BAIAP2L1: variants seen among roughly 807,000 people sequenced by gnomAD.
The protein encoded by BAIAP2L1 is BAR/IMD domain-containing adapter protein 2-like 1.
In BAIAP2L1, 35 loss-of-function variants were observed where a neutral mutation model predicts 66.3. The observed-to-expected ratio is 0.53, with a 90% CI of 0.40 to 0.70. BAIAP2L1 has a LOEUF of 0.70. Among genes scored for constraint, BAIAP2L1 ranks in the 30% least tolerant of loss-of-function variants. The probability of loss-of-function intolerance (pLI) is 0.00; values close to 1 mark genes in which losing one functional copy is unlikely to be tolerated. For missense variants in BAIAP2L1, 622 were observed against 656.9 expected (o/e 0.95, Z 0.58); for synonymous variants, 269 against 248.7 (o/e 1.08, Z -0.77).
intron 1 of BAIAP2L1, among the ~76,000 whole-genome samples, chr7:98,363,449 G>GATTT (rs1380811237): frequency 6.6e-6 from 1 of 152,134 alleles, no homozygotes; most frequent in Non-Finnish European, 1.5e-5. Context: ...CCCTCTCATG[G>GATTT]ATTTCATGGT....
intron 1 of BAIAP2L1, among the ~76,000 whole-genome samples, chr7:98,374,371 C>T (rs75816326): frequency 8.1e-4 from 123 of 152,274 alleles, no homozygotes; most frequent in African/African-American, 2.9e-3. Flanking sequence ...ATCCTAACAT[C>T]GTGGCTGTTA....
intron 3 of BAIAP2L1, among the ~76,000 whole-genome samples, chr7:98,330,957 G>A (rs918487595): frequency 6.6e-6 from 1 of 152,086 alleles, no homozygotes; most frequent in African/African-American, 2.4e-5. Context: ...CTCCCACTAG[G>A]CCCCCACCTC....
Position 98,401,022 on chromosome 7 carries a change from A to T in BAIAP2L1, c.-170T>A, listed in dbSNP as rs1026927145. On this transcript the variant is annotated 5_prime_UTR_variant, in exon 1 of 14. Coordinates refer to ENST00000005260, the MANE Select transcript of BAIAP2L1 (RefSeq NM_018842.5). ...CGCGCGTCTCCGCTGCGAAAATGTC[A>T]AAACTTGCGGCAGCGCCGCCCTGGC... 16 of 502,854 alleles carry T rather than the reference A, an allele frequency of 3.2e-5. No individual in the cohort carries two copies. Among genetic ancestry groups the T allele is most frequent in the South Asian group, 1.1e-4 (2 of 17,790 alleles). The allele number at this position is 502,854 out of a possible 1,614,324, so 31.1% of individuals were successfully genotyped here. A position where few individuals can be genotyped will look rare whatever the true frequency, so the allele number is the denominator to read the frequency against.
At chr7:98,353,768 TGG>T (rs1354951145) in intron 3 of BAIAP2L1, among the ~76,000 whole-genome samples, 1 of 148,886 alleles carries the variant, frequency 6.7e-6, no homozygotes. Context: ...GAGATCAGCC[TGG>T]CCAACATGGC....
At chr7:98,349,077 C>G (rs1468390046) in intron 3 of BAIAP2L1, among the ~76,000 whole-genome samples, 1 of 152,252 alleles carries the variant, frequency 6.6e-6, no homozygotes, top group Non-Finnish European at 1.5e-5. Flanking sequence ...ACAGTCCATG[C>G]TCTGCCTAGC....
intron 3 of BAIAP2L1, among the ~76,000 whole-genome samples, chr7:98,335,066 T>G (rs1478468726): frequency 7.1e-6 from 1 of 140,376 alleles, no homozygotes; most frequent in Non-Finnish European, 1.5e-5. Context: ...GGCAGGAGAA[T>G]GGTGTGAACC....
At chr7:98,368,640 G>A (rs1159631343) in intron 1 of BAIAP2L1, among the ~76,000 whole-genome samples, 2 of 151,970 alleles carry the variant, frequency 1.3e-5, no homozygotes, top group Non-Finnish European at 1.5e-5. Flanking sequence ...GCATTGAGTC[G>A]AGATCGCACC....
chr7:98,329,548 A>C (rs1801447679), intron 3 of BAIAP2L1, among the ~76,000 whole-genome samples: 1 of 151,980 alleles, frequency 6.6e-6, no homozygotes, highest in South Asian at 2.1e-4. Context: ...GTGGGAGGTA[A>C]ACATTCTGAA....
chr7:98,326,345 G>C (rs1302201857), intron 3 of BAIAP2L1, among the ~76,000 whole-genome samples: 3 of 152,194 alleles, frequency 2.0e-5, no homozygotes, highest in East Asian at 3.9e-4. Context: ...ATAAGTGATA[G>C]GGTGAGCATT....
intron 1 of BAIAP2L1, among the ~76,000 whole-genome samples, chr7:98,370,472 G>A (rs978764345): frequency 4.6e-5 from 7 of 151,190 alleles, no homozygotes; most frequent in Non-Finnish European, 2.9e-5. Flanking sequence ...ATTACTGTAC[G>A]TAGGTTCAGC....
intron 5 of BAIAP2L1, among the ~76,000 whole-genome samples, chr7:98,318,070 C>G (rs1449901267): frequency 6.6e-6 from 1 of 152,026 alleles, no homozygotes; most frequent in African/African-American, 2.4e-5. Context: ...GGCTGGGACC[C>G]TCAACCCGCA....
At chr7:98,369,409 A>C (rs1470883945) in intron 1 of BAIAP2L1, among the ~76,000 whole-genome samples, 1 of 152,160 alleles carries the variant, frequency 6.6e-6, no homozygotes, top group Non-Finnish European at 1.5e-5. Context: ...CTTGAACTCA[A>C]GAGACGGAGG....
At position 98,358,880 on chromosome 7, in the gene BAIAP2L1, C is replaced by T. The variant is rs183860461; in HGVS notation, c.127+3477G>A. ...GAATCACACCTCCCGGAATTCCCAG[C>T]GTATGTGGTCCCCTACCAGGTGGTG... On this transcript the variant is annotated intron_variant, in intron 2 of 13. Transcript: ENST00000005260. Among the ~76,000 whole-genome samples, 486 of 152,262 alleles carry T rather than the reference C, an allele frequency of 3.2e-3. 5 individuals are homozygous for T. Among genetic ancestry groups the T allele is most frequent in the African/African-American group, 0.011 (457 of 41,542 alleles).
chr7:98,300,322 C>A (rs1800369165), intron 12 of BAIAP2L1, among the ~76,000 whole-genome samples: 1 of 152,214 alleles, frequency 6.6e-6, no homozygotes, highest in Admixed American at 6.5e-5. Context: ...CTGTTTCCCA[C>A]AGCTGCGCTC....
At chr7:98,328,126 C>G (rs1801413218) in intron 3 of BAIAP2L1, among the ~76,000 whole-genome samples, 1 of 151,552 alleles carries the variant, frequency 6.6e-6, no homozygotes, top group Non-Finnish European at 1.5e-5. Flanking sequence ...TTTTTTCATA[C>G]TAAAAAGTCA....
intron 7 of BAIAP2L1, among the ~76,000 whole-genome samples, chr7:98,312,555 C>T (rs2116878899): frequency 6.6e-6 from 1 of 152,260 alleles, no homozygotes; most frequent in South Asian, 2.1e-4. Context: ...AACAGAAACT[C>T]AAAGGGAGGG....
At chr7:98,371,456 A>G (rs1802509335) in intron 1 of BAIAP2L1, among the ~76,000 whole-genome samples, 1 of 152,224 alleles carries the variant, frequency 6.6e-6, no homozygotes, top group African/African-American at 2.4e-5. Context: ...TAGCTATTCT[A>G]AATAAAATGT....
chr7:98,386,699 T>G, intron 1 of BAIAP2L1: 1 of 683,186 alleles, frequency 1.5e-6, no homozygotes, highest in Non-Finnish European at 2.2e-6. Flanking sequence ...AAAGGTTTTT[T>G]TTTTTTTTTT....
At chr7:98,395,208 G>A (rs1803171244) in intron 1 of BAIAP2L1, among the ~76,000 whole-genome samples, 1 of 151,756 alleles carries the variant, frequency 6.6e-6, no homozygotes, top group South Asian at 2.1e-4. Context: ...GGGAGGCCGA[G>A]GTGGGTGGAT....
Sources: allele counts gnomAD v4.1 joint callset (sites outside exome capture counted in the v4.1 genomes callset), GRCh38; gene constraint gnomAD v4.1.1; transcripts MANE v1.5; gene names NCBI Gene and HGNC (gene_info 2026-07-23, HGNC 2026-07-21).